The following CSF1R variants were observed in gnomAD, a reference collection of about 807,000 sequenced individuals.
CSF1R encodes colony stimulating factor 1 receptor.
CSF1R carries 40 observed loss-of-function variants against 110.0 expected under a neutral mutation model. The ratio of observed to expected loss-of-function variants is 0.36; its 90% CI spans 0.28 to 0.47. The LOEUF (loss-of-function observed/expected upper bound fraction) is 0.47. Among genes scored for constraint, CSF1R ranks in the 20% least tolerant of loss-of-function variants. CSF1R has a pLI of 0.99. For missense variants in CSF1R, 1,052 were observed against 1,253.0 expected (o/e 0.84, Z 2.42); for synonymous variants, 523 against 503.4 (o/e 1.04, Z -0.52).
chr5:150,063,238 C>T (rs1047125286), intron 10 of CSF1R, among the ~76,000 whole-genome samples: 15 of 152,172 alleles, frequency 9.9e-5, no homozygotes, highest in Non-Finnish European at 1.6e-4. Context: ...AACTCGTGAG[C>T]TCAAGCAGTT....
upstream of CSF1R, among the ~76,000 whole-genome samples, chr5:150,088,532 T>C (rs1402132767): frequency 6.7e-6 from 1 of 148,596 alleles, no homozygotes; most frequent in African/African-American, 2.6e-5. Context: ...TTTTTTTTTT[T>C]CTTTCTTTCT....
Position 150,070,250 on chromosome 5 carries a change from A to G in CSF1R, c.1251T>C (p.Leu417=). Residue 417 remains leucine (L), a synonymous_variant, in exon 8 of 21, where the codon CTT becomes CTC. Transcript: ENST00000675795. ...IWTFINGSGT[L]LCAASGYPQP... is the part of the protein sequence containing the mutation. ...GGGGGTACCCAGAGGCAGCACACAA[A>G]AGGGTGCCAGAGCCGTTGATGAATG... 6.2e-7 allele frequency: 1 copy of G among 1,614,098 alleles called. No individual in the cohort carries two copies. Among genetic ancestry groups the G allele is most frequent in the East Asian group, 2.2e-5 (1 of 44,876 alleles).
chr5:150,057,315 T>C lies in CSF1R; in HGVS notation c.2291A>G (p.Gln764Arg). ...CTTGGAAGCGAGGAAGGCCATGCCC[T>C]GGGCTACTTGGCTGGAGAAGTGAAG... ...DLLHFSSQVA[Q>R]GMAFLASKNC... Residue 764 changes from glutamine to arginine, a missense_variant, in exon 16 of 21, where the codon CAG becomes CGG. Physicochemically the swap from Gln to Arg is conservative, Grantham distance 43. This residue lies in a region of CSF1R where 124 missense variants were observed against 117.7 expected (regional missense o/e 1.05). Transcript: ENST00000675795. 2 of 1,613,872 alleles carry C rather than the reference T, an allele frequency of 1.2e-6. No homozygotes were observed. The highest frequency in any genetic ancestry group is 1.3e-5 in the African/African-American group (1 of 75,064).
chr5:150,100,720 C>T (rs1759379425), intron 1 of CSF1R, among the ~76,000 whole-genome samples: 1 of 152,094 alleles, frequency 6.6e-6, no homozygotes, highest in South Asian at 2.1e-4. Context: ...ACAAATTCTA[C>T]TCCCTGGCAG....
chr5:150,057,221 C>T, intron 16 of CSF1R, 66 bp downstream of exon 16: 1 of 1,420,256 alleles, frequency 7.0e-7, no homozygotes, highest in Non-Finnish European at 9.9e-7. Flanking sequence ...TCCCCATCGT[C>T]ACTCATCCAG....
intron 1 of CSF1R, among the ~76,000 whole-genome samples, chr5:150,082,494 G>A (rs1325618580): frequency 3.3e-5 from 5 of 152,242 alleles, no homozygotes; most frequent in Non-Finnish European, 7.3e-5. Context: ...TGGGGTTGTA[G>A]CCCTCCTATG....
intron 13 of CSF1R, 132 bp from the exon 14 acceptor site, chr5:150,059,994 A>C: frequency 9.6e-7 from 1 of 1,045,806 alleles, no homozygotes; most frequent in South Asian, 1.8e-5. Context: ...CGGCTCTGTG[A>C]GCAAGTTTCC....
intron 1 of CSF1R, 34 bp from the exon 2 acceptor site, chr5:150,081,058 G>C: frequency 1.2e-6 from 2 of 1,610,254 alleles, no homozygotes; most frequent in Non-Finnish European, 1.7e-6. Flanking sequence ...ACAGAAGTGA[G>C]GTCTAGGATG....
At chr5:150,095,401 G>A (rs1346707866) in intron 1 of CSF1R, among the ~76,000 whole-genome samples, 4 of 151,972 alleles carry the variant, frequency 2.6e-5, no homozygotes, top group Non-Finnish European at 4.4e-5. Flanking sequence ...ATCTTTAAAA[G>A]TTTAAATAAG....
chr5:150,102,762 G>A (rs1216493645), intron 1 of CSF1R, among the ~76,000 whole-genome samples: 1 of 152,238 alleles, frequency 6.6e-6, no homozygotes, highest in Non-Finnish European at 1.5e-5. Flanking sequence ...TTATAGGCAT[G>A]AGCCACTGCA....
chr5:150,084,458 GAAA>G (rs1301262394), intron 1 of CSF1R, among the ~76,000 whole-genome samples: 1 of 86,948 alleles, frequency 1.2e-5, no homozygotes. Flanking sequence ...AAGGAAGGAA[GAAA>G]GAAAGGAAGG....
intron 1 of CSF1R, among the ~76,000 whole-genome samples, chr5:150,111,441 A>T (rs1023839364): frequency 2.6e-5 from 4 of 152,228 alleles, no homozygotes; most frequent in African/African-American, 9.6e-5. Flanking sequence ...TGCCCTCTGC[A>T]CAGGGGCCTG....
At chr5:150,099,060 ATT>A (rs58025190) in intron 1 of CSF1R, among the ~76,000 whole-genome samples, 43,587 of 126,344 alleles carry the variant, frequency 0.34, 6,892 homozygotes, top group African/African-American at 0.46. Context: ...CACCCAGCTA[ATT>A]TTTTTTTTTT....
chr5:150,084,174 C>T (rs1758692824), intron 1 of CSF1R, among the ~76,000 whole-genome samples: 1 of 151,282 alleles, frequency 6.6e-6, no homozygotes, highest in Admixed American at 6.6e-5. Context: ...CTGTCTCTAC[C>T]AAAAATAAAA....
rs565653206 is a variant in CSF1R at position 150,111,349 on chromosome 5, T to C, written c.-181+1912A>G. Among the ~76,000 whole-genome samples the C allele has an allele frequency of 3.9e-5, 6 of 152,248 alleles. No homozygotes were observed. In the South Asian group the frequency reaches 1.2e-3, roughly 32 times the overall value. ...TGGGAGGAAAATCCCAGCTCACCCG[T>C]CTTCCCTGGGCCCGCCTGAGGGGAG... On this transcript the variant is annotated intron_variant, in intron 1 of 21. Transcript: ENST00000286301.
intron 10 of CSF1R, among the ~76,000 whole-genome samples, chr5:150,062,224 T>C (rs1470545392): frequency 6.8e-6 from 1 of 148,032 alleles, no homozygotes; most frequent in Non-Finnish European, 1.5e-5. Context: ...TACCCATCCA[T>C]CCACCCACCC....
rs144642625 is a variant in CSF1R, at chr5:150,054,005, G to A, written c.*64C>T. 4.7e-4 allele frequency: 710 copies of A among 1,506,640 alleles called. 2 individuals carry two copies. The African/African-American group carries it at 8.1e-3, about 17-fold the overall frequency. 93.3% of individuals were successfully genotyped at this position (1,506,640 alleles called of 1,614,324 possible). A position where few individuals can be genotyped will look rare whatever the true frequency, so the allele number is the denominator to read the frequency against. On this transcript the variant is annotated 3_prime_UTR_variant, in exon 21 of 21. Coordinates refer to ENST00000675795, the MANE Select transcript of CSF1R (RefSeq NM_001288705.3). ...AGAGTTTGTATGTTCTCCCCGTGTCGCCCCATCCATGGAGGAGTTGAAGTT... is the reference window on the plus strand; with the variant it reads ...AGAGTTTGTATGTTCTCCCCGTGTCACCCCATCCATGGAGGAGTTGAAGTT...
intron 10 of CSF1R, among the ~76,000 whole-genome samples, chr5:150,067,480 A>G (rs181760524): frequency 2.6e-5 from 4 of 152,372 alleles, no homozygotes; most frequent in African/African-American, 4.8e-5. Flanking sequence ...TGCTGAGGGC[A>G]TTAAATGAGA....
intron 10 of CSF1R, among the ~76,000 whole-genome samples, chr5:150,062,178 T>TTTTAAGGCTGAATAATAGTA (rs1554102113): frequency 6.7e-6 from 1 of 148,176 alleles, no homozygotes; most frequent in African/African-American, 2.5e-5. Flanking sequence ...GGGTGGAACT[T>TTTTAAGGCTGAATAATAGTA]GAGATCTTAT....
Sources: allele counts gnomAD v4.1 joint callset (sites outside exome capture counted in the v4.1 genomes callset), GRCh38; gene constraint gnomAD v4.1.1; regional missense constraint gnomAD v4.1.1; transcripts MANE v1.5; gene names NCBI Gene and HGNC (gene_info 2026-07-23, HGNC 2026-07-21).